The following WDFY4 variants were observed in gnomAD, a reference collection of about 807,000 sequenced individuals.
The protein encoded by WDFY4 is WDFY family member 4.
Under a neutral mutation model 351.9 loss-of-function variants are expected in WDFY4, and 169 were observed. The ratio of observed to expected loss-of-function variants is 0.48; its 90% CI spans 0.42 to 0.55. The LOEUF is 0.55. WDFY4 is among the 20% of genes least tolerant of loss of function. The pLI, the probability that WDFY4 is intolerant of heterozygous loss-of-function variation, is 0.00. For missense variants in WDFY4, 3,803 were observed against 3,935.6 expected (o/e 0.97, Z 0.90); for synonymous variants, 1,622 against 1,574.6 (o/e 1.03, Z -0.71).
At chr10:48,892,919 C>A (rs1052348564) in intron 44 of WDFY4, among the ~76,000 whole-genome samples, 8 of 152,202 alleles carry the variant, frequency 5.3e-5, no homozygotes, top group South Asian at 4.1e-4. Flanking sequence ...CCTTTCTTAG[C>A]TGATTAGGGT....
At chr10:48,870,938 G>C (rs558310625) in intron 40 of WDFY4, among the ~76,000 whole-genome samples, 1 of 115,316 alleles carries the variant, frequency 8.7e-6, no homozygotes, top group Admixed American at 8.3e-5. Flanking sequence ...GTGGATATGC[G>C]TTCTTTTTTT....
chr10:48,921,617 C>T (rs960033494), intron 47 of WDFY4, among the ~76,000 whole-genome samples: 3 of 147,566 alleles, frequency 2.0e-5, no homozygotes, highest in Admixed American at 1.4e-4. Context: ...AAAAAAAAAA[C>T]GTTGAGCATG....
rs565549386 is a variant in WDFY4 at position 48,976,824 on chromosome 10, C to T, written c.9136C>T (p.His3046Tyr). The T allele has an allele frequency of 9.8e-5, 147 of 1,504,298 alleles. 1 individual carries two copies. The South Asian group carries it at 1.1e-3, about 11-fold the overall frequency. The allele number at this position is 1,504,298 out of a possible 1,614,324, so 93.2% of individuals were successfully genotyped here. The part of the protein sequence containing the change: ...SGTIVSCAGA[H>Y]LSLWNVNGQP... ...CACCATTGTCTCCTGTGCGGGAGCA[C>T]ACTTGTCCCTGTGGAATGTCAATGG... is the stretch of plus-strand genomic sequence containing the variant. The change falls in exon 59 of 62, where the codon CAC (histidine) becomes TAC (tyrosine). Residue 3046 changes from histidine (H) to tyrosine (Y), a missense_variant. This residue lies in a region of WDFY4 where 3,054 missense variants were observed against 3,148.6 expected (regional missense o/e 0.97). Transcript: ENST00000325239.
At chr10:48,810,019 A>G (rs757803378) in intron 28 of WDFY4, among the ~76,000 whole-genome samples, 4 of 151,948 alleles carry the variant, frequency 2.6e-5, no homozygotes, top group South Asian at 2.1e-4. Flanking sequence ...CTCCAGACTC[A>G]TCATTTTTGA....
At chr10:48,965,213 A>G (rs1272042192) in intron 54 of WDFY4, among the ~76,000 whole-genome samples, 2 of 152,224 alleles carry the variant, frequency 1.3e-5, no homozygotes, top group Non-Finnish European at 2.9e-5. Context: ...TCCACAGCAC[A>G]GATCTTTTCC....
At chr10:48,928,267 T>A (rs1285615618) in intron 47 of WDFY4, among the ~76,000 whole-genome samples, 1 of 152,004 alleles carries the variant, frequency 6.6e-6, no homozygotes, top group Non-Finnish European at 1.5e-5. Context: ...AGCTTCAGCC[T>A]GAACTCCTGT....
At chr10:48,866,722 A>G (rs12266359) in intron 39 of WDFY4, among the ~76,000 whole-genome samples, 9,336 of 152,282 alleles carry the variant, frequency 0.061, 352 homozygotes, top group Middle Eastern at 0.092. Context: ...AAGCTAGTTC[A>G]TCATAGTTGG....
chr10:48,758,512 C>G (rs1171097549), intron 12 of WDFY4, among the ~76,000 whole-genome samples: 1 of 152,084 alleles, frequency 6.6e-6, no homozygotes, highest in Non-Finnish European at 1.5e-5. Context: ...TCTTTCATAC[C>G]ATACTCTTTC....
intron 57 of WDFY4, among the ~76,000 whole-genome samples, chr10:48,974,628 A>G (rs1406341560): frequency 6.6e-6 from 1 of 151,908 alleles, no homozygotes; most frequent in African/African-American, 2.4e-5. Flanking sequence ...AAGTAAAAAA[A>G]TGGTTTCTCC....
intron 47 of WDFY4, among the ~76,000 whole-genome samples, chr10:48,911,337 G>A (rs957906122): frequency 1.3e-5 from 2 of 152,302 alleles, no homozygotes; most frequent in African/African-American, 4.8e-5. Flanking sequence ...AGGCGTATGT[G>A]TGTAAACCTT....
At chr10:48,737,932 C>A (rs1381370283) in intron 11 of WDFY4, among the ~76,000 whole-genome samples, 2 of 152,150 alleles carry the variant, frequency 1.3e-5, no homozygotes, top group Non-Finnish European at 2.9e-5. Flanking sequence ...TGCATAACTG[C>A]TAAATGGTGA....
intron 47 of WDFY4, among the ~76,000 whole-genome samples, chr10:48,937,884 T>C (rs1011233876): frequency 1.3e-5 from 2 of 152,120 alleles, no homozygotes; most frequent in African/African-American, 4.8e-5. Context: ...GGGAGTGTGT[T>C]TGGCTTCTCA....
At chr10:48,748,161 T>C (rs1187374173) in intron 12 of WDFY4, among the ~76,000 whole-genome samples, 2 of 152,224 alleles carry the variant, frequency 1.3e-5, no homozygotes, top group Admixed American at 6.5e-5. Context: ...GTTTGACTTA[T>C]TCTGCCAGCT....
At chr10:48,865,399 G>T (rs909892916) in intron 39 of WDFY4, among the ~76,000 whole-genome samples, 5 of 152,152 alleles carry the variant, frequency 3.3e-5, no homozygotes, top group African/African-American at 1.2e-4. Context: ...AGCCAACTCT[G>T]CATTACTAGG....
intron 36 of WDFY4, among the ~76,000 whole-genome samples, chr10:48,828,495 G>A (rs1358413881): frequency 5.9e-5 from 9 of 152,142 alleles, no homozygotes; most frequent in Admixed American, 1.3e-4. Context: ...TTTTGATGGC[G>A]GGGAATCAGG....
At position 48,978,365 on chromosome 10, in the gene WDFY4, G is replaced by A; in HGVS notation, c.9348G>A (p.Glu3116=). 4 of 1,551,340 alleles carry A rather than the reference G, an allele frequency of 2.6e-6. No individual in the cohort carries two copies. The highest frequency in any genetic ancestry group is 3.5e-6 in the Non-Finnish European group (4 of 1,146,858). The change falls in exon 60 of 62, where the codon GAG becomes GAA. Residue 3116 remains glutamate (E), a synonymous_variant. Transcript: ENST00000325239. ...TTCCTGGACGGCCAGCAGGAGAGGA[G>A]CCCCCGGCTCAGCCTCCAAGCCCAA... ...MSVPGRPAGE[E]PPAQPPSPRG... is the part of the protein sequence containing the mutation.
At chr10:48,962,082 G>A (rs1019161202) in intron 53 of WDFY4, among the ~76,000 whole-genome samples, 2 of 152,182 alleles carry the variant, frequency 1.3e-5, no homozygotes, top group Non-Finnish European at 2.9e-5. Context: ...GTAAGAAGAA[G>A]GGCCAGCAGA....
chr10:48,872,144 T>C (rs1350351494), intron 40 of WDFY4, among the ~76,000 whole-genome samples: 1 of 152,212 alleles, frequency 6.6e-6, no homozygotes, highest in Non-Finnish European at 1.5e-5. Flanking sequence ...CCCAAAGCCA[T>C]GCTTTCATGG....
intron 45 of WDFY4, among the ~76,000 whole-genome samples, chr10:48,898,577 C>T (rs1170736192): frequency 1.3e-5 from 2 of 152,140 alleles, no homozygotes; most frequent in African/African-American, 2.4e-5. Context: ...TGCAAGAGGG[C>T]TCACTATCAT....
Sources: gnomAD v4.1 joint callset for allele counts (sites outside exome capture counted in the v4.1 genomes callset) on GRCh38, gnomAD v4.1.1 for gene constraint, gnomAD v4.1.1 regional missense constraint, MANE v1.5 for transcripts, NCBI Gene and HGNC (gene_info 2026-07-23, HGNC 2026-07-21) for gene names.